DOK7: variants seen among roughly 807,000 people sequenced by gnomAD.
DOK7 encodes the protein protein Dok-7.
In DOK7, 32 loss-of-function variants were observed where a neutral mutation model predicts 30.7. The ratio of observed to expected loss-of-function variants is 1.04; its 90% CI spans 0.79 to 1.40. The LOEUF is 1.40. DOK7 is among the 40% of genes most tolerant of loss of function. The pLI is 0.00. For synonymous variants in DOK7, 447 were observed against 324.1 expected (o/e 1.38, Z -4.07); for missense variants, 1,007 against 699.2 (o/e 1.44, Z -4.97).
intron 4 of DOK7, among the ~76,000 whole-genome samples, chr4:3,484,294 CG>C (rs1727618954): frequency 6.6e-6 from 1 of 152,176 alleles, no homozygotes; most frequent in African/African-American, 2.4e-5. Context: ...CGCCACGTGT[CG>C]GGGCTGGCCT....
chr4:3,463,320 G>C lies in DOK7; in HGVS notation c.-56G>C. 7.2e-7 allele frequency: 1 copy of C among 1,398,576 alleles called. No individual in the cohort carries two copies. Among genetic ancestry groups the C allele is most frequent in the Non-Finnish European group, 9.2e-7 (1 of 1,086,938 alleles). 86.6% of individuals were successfully genotyped at this position (1,398,576 alleles called of 1,614,324 possible). On this transcript the variant is annotated 5_prime_UTR_variant, in exon 1 of 7. Transcript: ENST00000340083. ...CAGGGCCCTGCGAGCTATTTTGAAA[G>C]TGACCCTGGGCTGGGGCGCCGGGGC...
chr4:3,498,584 C>T (rs538079950), downstream of DOK7, among the ~76,000 whole-genome samples: 1 of 152,198 alleles, frequency 6.6e-6, no homozygotes, highest in East Asian at 1.9e-4. Context: ...GGCCCCGGCG[C>T]TCCCTCAGCT....
At chr4:3,474,015 T>TC (rs1453241057) in intron 3 of DOK7, among the ~76,000 whole-genome samples, 5 of 128,250 alleles carry the variant, frequency 3.9e-5, no homozygotes, top group African/African-American at 1.4e-4. Flanking sequence ...CACCCCAGCT[T>TC]CCCCCCAAAA....
At chr4:3,489,640 T>C (rs1309162519) in intron 5 of DOK7, 37 bp from the exon 6 acceptor site, 1 of 1,558,348 alleles carries the variant, frequency 6.4e-7, no homozygotes, top group Admixed American at 1.9e-5. Context: ...TGGGCGGTGG[T>C]GGCCACCTCC....
rs1298395809 is a variant in DOK7 at position 3,493,206 on chromosome 4, C to T, written c.1220C>T (p.Thr407Ile). ...VPTSLRAHYD[T>I]PRSLCLAPRD... ...ACCTCCCTGCGGGCCCACTATGACA[C>T]ACCACGCAGCCTTTGCCTGGCTCCT... The change falls in exon 7 of 7, where the codon ACA becomes ATA. Residue 407 changes from threonine to isoleucine, a missense_variant. Coordinates refer to ENST00000340083, the MANE Select transcript of DOK7 (RefSeq NM_173660.5). 3 of 1,611,636 alleles carry T rather than the reference C, an allele frequency of 1.9e-6. No individual in the cohort carries two copies. The highest frequency in any genetic ancestry group is 1.3e-5 in the African/African-American group (1 of 74,910).
chr4:3,492,953 C>T lies in DOK7; in HGVS notation c.967C>T (p.Arg323Cys), dbSNP rs150728781. 1.5e-3 allele frequency: 2,315 copies of T among 1,553,432 alleles called. 33 individuals are homozygous for T. In the African/African-American group the frequency reaches 0.028, roughly 19 times the overall value. The stretch of plus-strand genomic sequence containing the variant: ...CTCAAGGCCACCCCCCAAGCCGCTG[C>T]GTCCGCGGCAGCTGCAGGAGGTTGG... Reference protein sequence around the residue: ...GASRPPPKPLRPRQLQEVGRQ... With the variant: ...GASRPPPKPLCPRQLQEVGRQ... Residue 323 changes from arginine (R) to cysteine (C), a missense_variant, in exon 7 of 7, where the codon CGT becomes TGT. Arg to Cys is a radical substitution (Grantham distance 180). Coordinates refer to ENST00000340083, the MANE Select transcript of DOK7 (RefSeq NM_173660.5).
In DOK7 at chr4:3,493,179, C is replaced by T. The variant is rs201426254; in HGVS notation, c.1193C>T (p.Pro398Leu). The T allele has an allele frequency of 3.1e-6, 5 of 1,609,654 alleles. No individual in the cohort carries two copies. The highest frequency in any genetic ancestry group is 1.3e-5 in the African/African-American group (1 of 74,956). Reference sequence around the variant, plus strand: ...CCCGGGACAGTCGAGTACCAGGTGCCCACCTCCCTGCGGGCCCACTATGAC... The same window carrying T: ...CCCGGGACAGTCGAGTACCAGGTGCTCACCTCCCTGCGGGCCCACTATGAC... Reference protein sequence around the residue: ...CLPGTVEYQVPTSLRAHYDTP... With the variant: ...CLPGTVEYQVLTSLRAHYDTP... The change falls in exon 7 of 7, where the codon CCC becomes CTC. Residue 398 changes from proline to leucine, a missense_variant. Coordinates refer to ENST00000340083, the MANE Select transcript of DOK7 (RefSeq NM_173660.5).
chr4:3,464,846 G>C (rs1056151529), intron 2 of DOK7, among the ~76,000 whole-genome samples: 1 of 152,206 alleles, frequency 6.6e-6, no homozygotes, highest in Non-Finnish European at 1.5e-5. Context: ...TCCCCCGGCC[G>C]GTGAGTGCCT....
chr4:3,493,999 T>C lies in DOK7; in HGVS notation c.*498T>C, dbSNP rs75522553. On this transcript the variant is annotated 3_prime_UTR_variant, in exon 7 of 7. Transcript: ENST00000340083. ...CTGGGCTCCACCAGCCCAGCCCCCC[T>C]GGGCTCCGTGTGCGCTGGGCCTCAT... 1.0e-4 allele frequency: 45 copies of C among 429,090 alleles called. No individual in the cohort carries two copies. The highest frequency in any genetic ancestry group is 6.1e-4 in the South Asian group (3 of 4,884). 26.6% of individuals were successfully genotyped at this position (429,090 alleles called of 1,614,324 possible).
chr4:3,490,494 CT>C (rs1473886862), intron 6 of DOK7, among the ~76,000 whole-genome samples: 3 of 133,120 alleles, frequency 2.3e-5, no homozygotes, highest in African/African-American at 9.1e-5. Flanking sequence ...TCATTCCTTC[CT>C]TTTCCCCCTG....
At position 3,493,260 on chromosome 4, in the gene DOK7, G is replaced by T. The variant is rs754201781; in HGVS notation, c.1274G>T (p.Ser425Ile). 6.2e-7 allele frequency: 1 copy of T among 1,611,708 alleles called. No individual in the cohort carries two copies. The highest frequency in any genetic ancestry group is 8.5e-7 in the Non-Finnish European group (1 of 1,179,542). Residue 425 changes from serine to isoleucine, a missense_variant, in exon 7 of 7, where the codon AGC becomes ATC. Ser to Ile is a moderately radical substitution (Grantham distance 142). Coordinates refer to ENST00000340083, the MANE Select transcript of DOK7 (RefSeq NM_173660.5). Reference sequence around the variant, plus strand: ...GACCACAGCCCCCCCTCACAGGGCAGCCCCGGCAACAGTGCGGCCAGGGAC... The same window carrying T: ...GACCACAGCCCCCCCTCACAGGGCATCCCCGGCAACAGTGCGGCCAGGGAC... ...PRDHSPPSQG[S>I]PGNSAARDSG... is the part of the protein sequence containing the mutation.
chr4:3,474,919 C>A (rs1253284325), intron 3 of DOK7, among the ~76,000 whole-genome samples: 3 of 152,042 alleles, frequency 2.0e-5, no homozygotes, highest in African/African-American at 7.2e-5. Flanking sequence ...CTCAAAAAAA[C>A]AAACACAAAA....
At position 3,494,394 on chromosome 4, in the gene DOK7, T is replaced by A. The variant is rs926016626; in HGVS notation, c.*893T>A. ...CCCTGACCACAGCCCAGCAGCTCCC[T>A]GTGAACACCTCTTTGTCCCTTCACT... On this transcript the variant is annotated 3_prime_UTR_variant, in exon 7 of 7. Coordinates refer to ENST00000340083, the MANE Select transcript of DOK7 (RefSeq NM_173660.5). 4 of 985,802 alleles carry A rather than the reference T, an allele frequency of 4.1e-6. No individual in the cohort carries two copies. The highest frequency in any genetic ancestry group is 1.7e-5 in the African/African-American group (1 of 57,270). 61.1% of individuals were successfully genotyped at this position (985,802 alleles called of 1,614,324 possible).
downstream of DOK7, among the ~76,000 whole-genome samples, chr4:3,498,584 C>G (rs538079950): frequency 6.6e-6 from 1 of 152,316 alleles, no homozygotes; most frequent in African/African-American, 2.4e-5. Flanking sequence ...GGCCCCGGCG[C>G]TCCCTCAGCT....
At position 3,476,481 on chromosome 4, in the gene DOK7, C is replaced by T; in HGVS notation, c.471C>T (p.Leu157=). 3.1e-6 allele frequency: 5 copies of T among 1,613,900 alleles called. No homozygotes were observed. Among genetic ancestry groups the T allele is most frequent in the Non-Finnish European group, 2.5e-6 (3 of 1,180,036 alleles). The part of the protein sequence containing the change: ...AVTGQWKLSD[L]RRYGAVPSGF... The stretch of plus-strand genomic sequence containing the variant: ...CGGGGCAGTGGAAGCTGTCTGACCT[C>T]CGGCGCTACGGGGCCGTGCCAAGCG... The change falls in exon 4 of 7, where the codon CTC becomes CTT. Residue 157 remains leucine, a synonymous_variant. Transcript: ENST00000340083.
chr4:3,465,513 T>G (rs1316186634), intron 2 of DOK7, among the ~76,000 whole-genome samples: 1 of 152,216 alleles, frequency 6.6e-6, no homozygotes, highest in Non-Finnish European at 1.5e-5. Context: ...CAGGCAGGGT[T>G]CTTTTTGTTA....
At chr4:3,491,613 G>A (rs1299467136) in intron 6 of DOK7, among the ~76,000 whole-genome samples, 2 of 151,676 alleles carry the variant, frequency 1.3e-5, no homozygotes, top group African/African-American at 2.4e-5. Context: ...AGGTGCTGAC[G>A]GGAAAGGTGG....
At chr4:3,487,303 T>G (rs1727873478) in intron 5 of DOK7, among the ~76,000 whole-genome samples, 1 of 152,208 alleles carries the variant, frequency 6.6e-6, no homozygotes, top group Non-Finnish European at 1.5e-5. Flanking sequence ...CAGGCTGGAC[T>G]TACTGGAGGG....
At chr4:3,466,166 G>A (rs977653797) in intron 2 of DOK7, among the ~76,000 whole-genome samples, 1 of 149,554 alleles carries the variant, frequency 6.7e-6, no homozygotes, top group Non-Finnish European at 1.5e-5. Flanking sequence ...GACATGGACT[G>A]CTGGGCAGAG....
Sources: allele counts gnomAD v4.1 joint callset (sites outside exome capture counted in the v4.1 genomes callset), GRCh38; gene constraint gnomAD v4.1.1; transcripts MANE v1.5; gene names NCBI Gene and HGNC (gene_info 2026-07-23, HGNC 2026-07-21).